Variants in B3GLCT observed in about 807,000 individuals in gnomAD.
B3GLCT encodes beta 3-glucosyltransferase.
B3GLCT carries 65 observed loss-of-function variants against 63.4 expected under a neutral mutation model. The ratio of observed to expected loss-of-function variants is 1.03; its 90% CI spans 0.84 to 1.26. B3GLCT has a LOEUF of 1.26. Ranked by LOEUF, B3GLCT falls within the 50% of genes most tolerant of loss-of-function variation. B3GLCT has a pLI of 0.00. For synonymous variants in B3GLCT, 233 were observed against 219.2 expected, an observed-to-expected ratio of 1.06 and a Z score of -0.55; for missense variants, 577 against 604.8, an observed-to-expected ratio of 0.95 and a Z score of 0.48.
At chr13:31,210,109 A>G (rs1038483936) in intron 1 of B3GLCT, among the ~76,000 whole-genome samples, 1 of 152,128 alleles carries the variant, frequency 6.6e-6, no homozygotes, top group African/African-American at 2.4e-5. Flanking sequence ...TAAAATCTTG[A>G]TTTATCTCTC....
intron 1 of B3GLCT, among the ~76,000 whole-genome samples, chr13:31,213,616 A>ACCCC (rs1243633056): frequency 7.0e-5 from 4 of 56,860 alleles, no homozygotes; most frequent in Non-Finnish European, 9.4e-5. Flanking sequence ...ACACCCCCCC[A>ACCCC]CCCCACCCCC....
At chr13:31,309,596 G>T (rs1165220907) in intron 12 of B3GLCT, among the ~76,000 whole-genome samples, 2 of 152,142 alleles carry the variant, frequency 1.3e-5, no homozygotes, top group Non-Finnish European at 2.9e-5. Context: ...TAGGTTTACT[G>T]GTTTATTTTA....
rs780433307 is a variant in B3GLCT, at chr13:31,250,027, CTT to C, written c.459+2064_459+2065del. Among the ~76,000 whole-genome samples, 7 of 152,042 alleles carry C rather than the reference CTT, an allele frequency of 4.6e-5. No homozygotes were observed. In the East Asian group the frequency reaches 1.2e-3, roughly 25 times the overall value. On this transcript the variant is annotated intron_variant, in intron 6 of 14. Coordinates refer to ENST00000343307, the MANE Select transcript of B3GLCT (RefSeq NM_194318.4). ...CTGTCAAAATATTTTAAATGTAAAA[CTT>C]TTAACTTTTATTAATCTTTATTAAA... is the stretch of plus-strand genomic sequence containing the variant.
chr13:31,247,906 A>G lies in B3GLCT; in HGVS notation c.399A>G (p.Glu133=), dbSNP rs755455921. The change falls in exon 6 of 15, where the codon GAA becomes GAG. Residue 133 remains glutamate, a synonymous_variant. Transcript: ENST00000343307. ...CATCTTGGATTTTCTTCTGTGAAGA[A>G]GAGACAAGAATACAGATTCCAAAAC... ...RNSSWIFFCE[E]ETRIQIPKLL... 6.2e-7 allele frequency: 1 copy of G among 1,612,128 alleles called. No individual in the cohort carries two copies. The highest frequency in any genetic ancestry group is 8.5e-7 in the Non-Finnish European group (1 of 1,178,382).
intron 6 of B3GLCT, among the ~76,000 whole-genome samples, chr13:31,254,823 G>A (rs1466478305): frequency 6.6e-6 from 1 of 152,078 alleles, no homozygotes; most frequent in Non-Finnish European, 1.5e-5. Context: ...AGGCCGAGGT[G>A]GGTGGATCAC....
chr13:31,203,832 T>G (rs933010886), intron 1 of B3GLCT, among the ~76,000 whole-genome samples: 2 of 152,228 alleles, frequency 1.3e-5, no homozygotes, highest in African/African-American at 2.4e-5. Flanking sequence ...CTACCATGAT[T>G]TCAAAGTTCT....
chr13:31,252,876 C>T (rs1353377699), intron 6 of B3GLCT, among the ~76,000 whole-genome samples: 3 of 152,230 alleles, frequency 2.0e-5, no homozygotes, highest in Admixed American at 2.0e-4. Flanking sequence ...CAGACATCTA[C>T]AGAACTCGCC....
chr13:31,236,063 C>T lies in B3GLCT; in HGVS notation c.270+6769C>T, dbSNP rs1870631039. 2.6e-5 allele frequency among the ~76,000 whole-genome samples: 4 copies of T among 152,204 alleles called. No individual in the cohort carries two copies. The South Asian group carries it at 8.3e-4, about 31-fold the overall frequency. ...TTCCTTGGATGCTCATTTGGCATTT[C>T]ACGTATGCACCCCCAAGGTGTACTT... On this transcript the variant is annotated intron_variant, in intron 4 of 14. Coordinates refer to ENST00000343307, the MANE Select transcript of B3GLCT (RefSeq NM_194318.4).
chr13:31,238,769 C>G (rs1235040510), intron 4 of B3GLCT, among the ~76,000 whole-genome samples: 1 of 152,104 alleles, frequency 6.6e-6, no homozygotes, highest in African/African-American at 2.4e-5. Flanking sequence ...TAGCAAGACC[C>G]CATCTCAAAA....
At chr13:31,240,835 T>G (rs1043248511) in intron 4 of B3GLCT, among the ~76,000 whole-genome samples, 1 of 152,242 alleles carries the variant, frequency 6.6e-6, no homozygotes, top group South Asian at 2.1e-4. Context: ...ATTGCATTGC[T>G]GTTGAATGCA....
chr13:31,286,857 T>C (rs577892169), intron 12 of B3GLCT, 38 bp downstream of exon 12: 1 of 1,404,820 alleles, frequency 7.1e-7, no homozygotes, highest in East Asian at 2.3e-5. Flanking sequence ...CTTTAAATTC[T>C]ACATATATTC....
At chr13:31,292,824 TCTTAG>T (rs1258013316) in intron 12 of B3GLCT, among the ~76,000 whole-genome samples, 70 of 152,102 alleles carry the variant, frequency 4.6e-4, no homozygotes, top group African/African-American at 1.7e-3. Context: ...TCTGCTCTGA[TCTTAG>T]TTATTTCTTG....
At chr13:31,265,250 A>T (rs1183147090) in intron 7 of B3GLCT, among the ~76,000 whole-genome samples, 1 of 152,158 alleles carries the variant, frequency 6.6e-6, no homozygotes, top group African/African-American at 2.4e-5. Context: ...AATTTCATTG[A>T]TTATTCTGGC....
intron 1 of B3GLCT, among the ~76,000 whole-genome samples, chr13:31,207,255 C>T (rs1166851286): frequency 6.6e-6 from 1 of 151,788 alleles, no homozygotes; most frequent in African/African-American, 2.4e-5. Context: ...CCATAGTACA[C>T]TTGCAATTTA....
intron 14 of B3GLCT, among the ~76,000 whole-genome samples, chr13:31,325,667 C>T (rs932729143): frequency 8.5e-5 from 13 of 152,180 alleles, no homozygotes; most frequent in African/African-American, 3.1e-4. Context: ...ACCTATCCTC[C>T]CCAACAGATA....
At chr13:31,267,374 G>C (rs1566071589) in intron 7 of B3GLCT, among the ~76,000 whole-genome samples, 2 of 152,214 alleles carry the variant, frequency 1.3e-5, no homozygotes, top group African/African-American at 2.4e-5. Flanking sequence ...TTTGTGGTCT[G>C]ATTAGATTTT....
intron 12 of B3GLCT, among the ~76,000 whole-genome samples, chr13:31,301,705 G>A (rs1874231007): frequency 6.6e-6 from 1 of 152,184 alleles, no homozygotes; most frequent in South Asian, 2.1e-4. Context: ...AGTCTAACAG[G>A]TAATTATAGA....
At chr13:31,202,417 C>T (rs1460355903) in intron 1 of B3GLCT, among the ~76,000 whole-genome samples, 1 of 152,144 alleles carries the variant, frequency 6.6e-6, no homozygotes, top group African/African-American at 2.4e-5. Flanking sequence ...ATGAACAGGG[C>T]GAATGGACTG....
intron 6 of B3GLCT, among the ~76,000 whole-genome samples, chr13:31,259,985 T>C (rs1871942376): frequency 6.6e-6 from 1 of 152,220 alleles, no homozygotes; most frequent in Non-Finnish European, 1.5e-5. Context: ...CAGATTGTTC[T>C]ATTGTGGTCA....
Sources: gnomAD v4.1 joint callset for allele counts (sites outside exome capture counted in the v4.1 genomes callset) on GRCh38, gnomAD v4.1.1 for gene constraint, MANE v1.5 for transcripts, NCBI Gene and HGNC (gene_info 2026-07-23, HGNC 2026-07-21) for gene names.